NSMF: variants seen among roughly 807,000 people sequenced by gnomAD.
NSMF encodes the protein nasal embryonic LHRH factor.
A neutral mutation model predicts 71.0 loss-of-function variants in NSMF; 31 were observed. The observed-to-expected ratio is 0.44, with a 90% CI of 0.33 to 0.59. The LOEUF (loss-of-function observed/expected upper bound fraction) is 0.59, where lower values mean the gene tolerates loss of function less well. Among genes scored for constraint, NSMF ranks in the 20% least tolerant of loss-of-function variants. The probability of loss-of-function intolerance (pLI) is 0.04; values close to 1 mark genes in which losing one functional copy is unlikely to be tolerated. For missense variants in NSMF, 673 were observed against 740.5 expected, an observed-to-expected ratio of 0.91 and a Z score of 1.06; for synonymous variants, 345 against 287.1, an observed-to-expected ratio of 1.20 and a Z score of -2.04.
intron 7 of NSMF, 116 bp downstream of exon 7, chr9:137,454,275 G>A (rs1830717079): frequency 3.9e-6 from 4 of 1,029,564 alleles, no homozygotes; most frequent in Non-Finnish European, 4.4e-6. Context: ...AGGAGCCTGA[G>A]GCAGGGCCCG....
At position 137,453,756 on chromosome 9, in the gene NSMF, G is replaced by A. The variant is rs770446971; in HGVS notation, c.897C>T (p.Ala299=). 1.3e-5 allele frequency: 21 copies of A among 1,602,162 alleles called. No homozygotes were observed. The Admixed American group carries it at 1.5e-4, about 12-fold the overall frequency. ...RSWSDPTPMK[A]DTSHDSRDSS... The stretch of plus-strand genomic sequence containing the variant: ...TGTCTCGGGAGTCGTGGGAAGTGTC[G>A]GCTTTCATGGGGGTGGGGTCGCTCC... The change falls in exon 8 of 16, where the codon GCC becomes GCT. Residue 299 remains alanine, a synonymous_variant. Coordinates refer to ENST00000371475, the MANE Select transcript of NSMF (RefSeq NM_001130969.3). The surrounding 1 kb of genome is among the most constrained non-coding windows in gnomAD (Gnocchi z 4.5).
At chr9:137,456,266 T>C in intron 4 of NSMF, 145 bp downstream of exon 4, 1 of 750,410 alleles carries the variant, frequency 1.3e-6, no homozygotes, top group South Asian at 1.4e-5. Context: ...CTGGCCTCCC[T>C]GGCAGGCCTG....
chr9:137,454,475 C>CGTGAGAGG, intron 6 of NSMF, 32 bp from the exon 7 acceptor site: 2 of 1,549,976 alleles, frequency 1.3e-6, no homozygotes, highest in Non-Finnish European at 1.7e-6. Flanking sequence ...TGAAGAGGGC[C>CGTGAGAGG]GTGAGAGGGT....
In NSMF at chr9:137,453,937, G is replaced by T. The variant is rs1830685559; in HGVS notation, c.833-117C>A. ...AGAGGAGGAAGCTAATGTGGGTGGG[G>T]TCTAAGGCACATGAAGCAGACACGG... On this transcript the variant is annotated intron_variant, in intron 7 of 15. Coordinates refer to ENST00000371475, the MANE Select transcript of NSMF (RefSeq NM_001130969.3). This position sits in a 1 kb window ranked among gnomAD's most constrained non-coding sequence, Gnocchi z 4.5. The T allele has an allele frequency of 1.2e-6, 1 of 842,612 alleles. No homozygotes were observed. The highest frequency in any genetic ancestry group is 1.9e-6 in the Non-Finnish European group (1 of 528,098). 52.2% of individuals were successfully genotyped at this position (842,612 alleles called of 1,614,324 possible). A position where few individuals can be genotyped will look rare whatever the true frequency, so the allele number is the denominator to read the frequency against.
In NSMF at chr9:137,448,894, G is replaced by A. The variant is rs1310448939; in HGVS notation, c.*500C>T. On this transcript the variant is annotated 3_prime_UTR_variant, in exon 16 of 16. Transcript: ENST00000371475. This position sits in a 1 kb window ranked among gnomAD's most constrained non-coding sequence, Gnocchi z 5.3. ...CCGGCGACGCTGGCCCCACGCACACGGGCCACCCTGGTGCTGGTGATCGAT... is the reference window on the plus strand; with the variant it reads ...CCGGCGACGCTGGCCCCACGCACACAGGCCACCCTGGTGCTGGTGATCGAT... 8.3e-6 allele frequency: 2 copies of A among 239,592 alleles called. No individual in the cohort carries two copies. Among genetic ancestry groups the A allele is most frequent in the South Asian group, 5.1e-5 (1 of 19,520 alleles). The allele number at this position is 239,592 out of a possible 1,614,324, so 14.8% of individuals were successfully genotyped here.
Position 137,449,252 on chromosome 9 carries a change from A to T in NSMF, c.*142T>A, listed in dbSNP as rs894858594. ...GCGAGGACCGGAACCCACAGGGGGAACCTGAGCAACGTCTGAGGTGCCCTG... is the reference window on the plus strand; with the variant it reads ...GCGAGGACCGGAACCCACAGGGGGATCCTGAGCAACGTCTGAGGTGCCCTG... On this transcript the variant is annotated 3_prime_UTR_variant, in exon 16 of 16. Coordinates refer to ENST00000371475, the MANE Select transcript of NSMF (RefSeq NM_001130969.3). The T allele has an allele frequency of 4.2e-6, 3 of 712,678 alleles. No homozygotes were observed. Among genetic ancestry groups the T allele is most frequent in the African/African-American group, 1.8e-5 (1 of 56,916 alleles). The allele number at this position is 712,678 out of a possible 1,614,324, so 44.1% of individuals were successfully genotyped here. A position where few individuals can be genotyped will look rare whatever the true frequency, so the allele number is the denominator to read the frequency against.
rs142478604 is a variant in NSMF at position 137,456,485 on chromosome 9, G to A, written c.630C>T (p.Asp210=). The change falls in exon 4 of 16, where the codon GAC becomes GAT. Residue 210 remains aspartate, a splice_region_variant and synonymous_variant. Coordinates refer to ENST00000371475, the MANE Select transcript of NSMF (RefSeq NM_001130969.3). Reference sequence around the variant, plus strand: ...GGAACCAGGTACGAATAGGGATGTCGTCTAAGAGAGACAAAAAGGAGCGGT... The same window carrying A: ...GGAACCAGGTACGAATAGGGATGTCATCTAAGAGAGACAAAAAGGAGCGGT... ...ERMYSVDRVS[D]DIPIRTWFPK... is the part of the protein sequence containing the mutation. 308 of 1,608,916 alleles carry A rather than the reference G, an allele frequency of 1.9e-4. 2 individuals are homozygous for A. In the African/African-American group the frequency reaches 2.7e-3, roughly 14 times the overall value.
intron 5 of NSMF, 123 bp downstream of exon 5, chr9:137,455,506 C>G (rs559808198): frequency 1.6e-6 from 2 of 1,265,960 alleles, no homozygotes; most frequent in Admixed American, 2.0e-5. Flanking sequence ...GGGAGCCAGG[C>G]CCGCAGAGAG....
At chr9:137,458,176 C>G (rs372785928) in intron 2 of NSMF, among the ~76,000 whole-genome samples, 1 of 152,186 alleles carries the variant, frequency 6.6e-6, no homozygotes, top group East Asian at 1.9e-4. Flanking sequence ...GCGATCGCAC[C>G]GTTTGCCTGG....
Position 137,449,657 on chromosome 9 carries a change from C to T in NSMF, c.1437G>A (p.Arg479=). The change falls in exon 15 of 16, where the codon AGG becomes AGA. Residue 479 remains arginine, a synonymous_variant. Coordinates refer to ENST00000371475, the MANE Select transcript of NSMF (RefSeq NM_001130969.3). ...PNGEKLFQNL[R]TLMTPYRVTF... Reference sequence around the variant, plus strand: ...TGACCCTATAAGGAGTCATGAGGGTCCTGAGGTTCTGGAACAGCTGGAGGA... The same window carrying T: ...TGACCCTATAAGGAGTCATGAGGGTTCTGAGGTTCTGGAACAGCTGGAGGA... 2 of 1,612,598 alleles carry T rather than the reference C, an allele frequency of 1.2e-6. No homozygotes were observed. Among genetic ancestry groups the T allele is most frequent in the Non-Finnish European group, 1.7e-6 (2 of 1,179,704 alleles).
chr9:137,449,919 G>A lies in NSMF; in HGVS notation c.1419+4C>T. The A allele has an allele frequency of 1.2e-6, 2 of 1,610,590 alleles. No homozygotes were observed. The highest frequency in any genetic ancestry group is 1.7e-6 in the Non-Finnish European group (2 of 1,177,720). On this transcript the variant is annotated splice_donor_region_variant and intron_variant, in intron 14 of 15. Transcript: ENST00000371475. Reference sequence around the variant, plus strand: ...TCTGGGGTGGGGCTTGGGGGTCACTGTACCTTCTCTCCATTGGGGTTCCCC... The same window carrying A: ...TCTGGGGTGGGGCTTGGGGGTCACTATACCTTCTCTCCATTGGGGTTCCCC...
intron 4 of NSMF, 64 bp from the exon 5 acceptor site, chr9:137,455,698 C>T (rs1830798935): frequency 1.3e-6 from 2 of 1,530,156 alleles, no homozygotes; most frequent in African/African-American, 2.8e-5. Context: ...CCCCGGGCCT[C>T]CCCTCAGCCC....
At position 137,454,346 on chromosome 9, in the gene NSMF, C is replaced by T. The variant is rs755350827; in HGVS notation, c.832+45G>A. On this transcript the variant is annotated intron_variant, in intron 7 of 15. Coordinates refer to ENST00000371475, the MANE Select transcript of NSMF (RefSeq NM_001130969.3). ...TAGCAGCAAGCAAAGCCCCAACCAG[C>T]CAAGCGCAACGCCGCCCCCCCACCC... 126 of 1,534,972 alleles carry T rather than the reference C, an allele frequency of 8.2e-5. No homozygotes were observed. In the South Asian group the frequency reaches 9.5e-4, roughly 12 times the overall value.
At chr9:137,458,093 T>C (rs977713574) in intron 2 of NSMF, among the ~76,000 whole-genome samples, 192 bp from the exon 3 acceptor site, 2 of 152,176 alleles carry the variant, frequency 1.3e-5, no homozygotes, top group African/African-American at 4.8e-5. Context: ...AGCATGTGCG[T>C]GGGGGCTGGG....
chr9:137,457,846 C>T lies in NSMF; in HGVS notation c.189G>A (p.Pro63=), dbSNP rs773604467. ...ACAGGCGGCGCTTGTTCTGGGGGGCCGGCTGCATCTCGGGGGACCCGTCGT... is the reference window on the plus strand; with the variant it reads ...ACAGGCGGCGCTTGTTCTGGGGGGCTGGCTGCATCTCGGGGGACCCGTCGT... The part of the protein sequence containing the change: ...SGHDGSPEMQ[P]APQNKRRLSL... Residue 63 remains proline (P), a synonymous_variant, in exon 3 of 16, where the codon CCG becomes CCA. Coordinates refer to ENST00000371475, the MANE Select transcript of NSMF (RefSeq NM_001130969.3). 26 of 1,553,408 alleles carry T rather than the reference C, an allele frequency of 1.7e-5. No individual in the cohort carries two copies. In the African/African-American group the frequency reaches 2.7e-4, roughly 16 times the overall value.
chr9:137,455,445 C>G, intron 5 of NSMF, 138 bp from the exon 6 acceptor site: 1 of 1,142,454 alleles, frequency 8.8e-7, no homozygotes, highest in Non-Finnish European at 1.3e-6. Flanking sequence ...GCCTGCCTCA[C>G]CTGTCGAGGC....
In NSMF at chr9:137,452,448, G is replaced by C. The variant is rs781275840; in HGVS notation, c.1166-13C>G. The C allele has an allele frequency of 1.9e-6, 3 of 1,612,290 alleles. No homozygotes were observed. The highest frequency in any genetic ancestry group is 2.2e-5 in the South Asian group (2 of 91,058). On this transcript the variant is annotated splice_polypyrimidine_tract_variant and intron_variant, in intron 11 of 15. Coordinates refer to ENST00000371475, the MANE Select transcript of NSMF (RefSeq NM_001130969.3). The stretch of plus-strand genomic sequence containing the variant: ...CTCTCTATCTCCTCTGTGGGAGAGC[G>C]GGTGTGAGTGCTGCGGCCCCCACCC...
chr9:137,458,156 C>A (rs1830947298), intron 2 of NSMF, among the ~76,000 whole-genome samples: 1 of 152,164 alleles, frequency 6.6e-6, no homozygotes, highest in South Asian at 2.1e-4. Flanking sequence ...CGCAGGCCAT[C>A]CCCCAGCCTG....
chr9:137,453,195 G>A lies in NSMF; in HGVS notation c.923-15C>T, dbSNP rs779088132. 17 of 1,612,152 alleles carry A rather than the reference G, an allele frequency of 1.1e-5. No individual in the cohort carries two copies. The highest frequency in any genetic ancestry group is 1.3e-5 in the African/African-American group (1 of 74,926). On this transcript the variant is annotated splice_polypyrimidine_tract_variant and intron_variant, in intron 8 of 15. Coordinates refer to ENST00000371475, the MANE Select transcript of NSMF (RefSeq NM_001130969.3). The surrounding 1 kb of genome is among the most constrained non-coding windows in gnomAD (Gnocchi z 4.5). Reference sequence around the variant, plus strand: ...CAGGTCACTGCCTGGGAAGCAAGAGGGTCACCAGGACAGCAGGCCCGGCAG... The same window carrying A: ...CAGGTCACTGCCTGGGAAGCAAGAGAGTCACCAGGACAGCAGGCCCGGCAG...
Sources: allele counts gnomAD v4.1 joint callset (sites outside exome capture counted in the v4.1 genomes callset), GRCh38; gene constraint gnomAD v4.1.1; non-coding constraint Gnocchi (gnomAD v3.1); transcripts MANE v1.5; gene names NCBI Gene and HGNC (gene_info 2026-07-23, HGNC 2026-07-21).